The following AMMECR1L variants were observed in gnomAD, a reference collection of about 807,000 sequenced individuals.
The protein encoded by AMMECR1L is AMMECR1 like, also known as AMMECR1-like protein.
In AMMECR1L, 4 loss-of-function variants were observed where a neutral mutation model predicts 36.8. The observed-to-expected ratio is 0.11, with a 90% CI of 0.05 to 0.25. The LOEUF (loss-of-function observed/expected upper bound fraction) is 0.25, where lower values mean the gene tolerates loss of function less well. Ranked by LOEUF, AMMECR1L falls within the 10% of genes least tolerant of loss-of-function variation. The pLI is 1.00. For synonymous variants in AMMECR1L, 147 were observed against 148.0 expected, an observed-to-expected ratio of 0.99 and a Z score of 0.05; for missense variants, 232 against 392.1, an observed-to-expected ratio of 0.59 and a Z score of 3.45.
rs1690635812 is a variant in AMMECR1L at position 127,865,306 on chromosome 2, GAATA to G, written c.822-105_822-102del. On this transcript the variant is annotated intron_variant, in intron 7 of 7. Coordinates refer to ENST00000272647, the MANE Select transcript of AMMECR1L (RefSeq NM_001199140.2). The surrounding 1 kb of genome is among the most constrained non-coding windows in gnomAD (Gnocchi z 5.4). The stretch of plus-strand genomic sequence containing the variant: ...CAAAAGCTTATTCCACATTTTGAAA[GAATA>G]AAATGGAAGACCAAGAGCAATCTTA... 1.4e-5 allele frequency: 9 copies of G among 639,792 alleles called. No homozygotes were observed. Among genetic ancestry groups the G allele is most frequent in the Admixed American group, 1.1e-4 (3 of 27,924 alleles). 39.6% of individuals were successfully genotyped at this position (639,792 alleles called of 1,614,324 possible).
At chr2:127,878,643 A>G (rs1691354820) in intron 2 of AMMECR1L, among the ~76,000 whole-genome samples, 1 of 152,320 alleles carries the variant, frequency 6.6e-6, no homozygotes, top group East Asian at 1.9e-4. Flanking sequence ...TTCTGCCTAC[A>G]TGCCACATAC....
chr2:127,883,479 C>A (rs1304599656), intron 2 of AMMECR1L, among the ~76,000 whole-genome samples: 3 of 152,146 alleles, frequency 2.0e-5, no homozygotes, highest in African/African-American at 7.2e-5. Context: ...CCTCTGTTTT[C>A]TATGTGACCT....
chr2:127,882,980 A>T (rs1488108314), intron 2 of AMMECR1L, among the ~76,000 whole-genome samples: 1 of 151,610 alleles, frequency 6.6e-6, no homozygotes, highest in South Asian at 2.1e-4. Flanking sequence ...ACAGGGCTCA[A>T]GCGATCCTCC....
intron 6 of AMMECR1L, among the ~76,000 whole-genome samples, chr2:127,868,633 T>G (rs1312251240): frequency 6.6e-6 from 1 of 152,148 alleles, no homozygotes. Context: ...ACAAGCAACA[T>G]GTAAAGGTAC....
At chr2:127,870,792 T>A in intron 5 of AMMECR1L, 22 bp downstream of exon 5, 2 of 1,579,744 alleles carry the variant, frequency 1.3e-6, no homozygotes, top group Non-Finnish European at 1.7e-6. Context: ...AGATGCAGAG[T>A]TCCAAATGCG....
Position 127,880,787 on chromosome 2 carries a change from C to G in AMMECR1L, c.-39+3416G>C, listed in dbSNP as rs970505093. On this transcript the variant is annotated intron_variant, in intron 2 of 7. Transcript: ENST00000272647. ...TACATACAGTATACACACACACACA[C>G]ACACACACACACTCCTGATTGTCAC... Among the ~76,000 whole-genome samples, 4 of 151,608 alleles carry G rather than the reference C, an allele frequency of 2.6e-5. No individual in the cohort carries two copies. In the East Asian group the frequency reaches 7.7e-4, roughly 29 times the overall value.
At position 127,865,120 on chromosome 2, in the gene AMMECR1L, G is replaced by A; in HGVS notation, c.907C>T (p.Pro303Ser). The change falls in exon 8 of 8, where the codon CCG becomes TCG. Residue 303 changes from proline to serine, a missense_variant. Pro to Ser is a moderately conservative substitution (Grantham distance 74, BLOSUM62 -1). Coordinates refer to ENST00000272647, the MANE Select transcript of AMMECR1L (RefSeq NM_001199140.2). This position sits in a 1 kb window ranked among gnomAD's most constrained non-coding sequence, Gnocchi z 5.4. ...CAGGAGTAATGATTGTAGAGGGGCGGGGCATGAAGAGTGCCGTTCTGGAAA... is the reference window on the plus strand; with the variant it reads ...CAGGAGTAATGATTGTAGAGGGGCGAGGCATGAAGAGTGCCGTTCTGGAAA... Reference protein sequence around the residue: ...HCFQNGTLHAPPLYNHYS With the variant: ...HCFQNGTLHASPLYNHYS The A allele has an allele frequency of 6.2e-7, 1 of 1,613,666 alleles. No individual in the cohort carries two copies. Among genetic ancestry groups the A allele is most frequent in the Non-Finnish European group, 8.5e-7 (1 of 1,179,816 alleles).
At chr2:127,881,644 C>A (rs146670084) in intron 2 of AMMECR1L, among the ~76,000 whole-genome samples, 188 of 152,344 alleles carry the variant, frequency 1.2e-3, no homozygotes, top group African/African-American at 4.2e-3. Context: ...CCTGGCAGTT[C>A]TGTGGCACAT....
At chr2:127,881,791 T>C (rs996622192) in intron 2 of AMMECR1L, among the ~76,000 whole-genome samples, 1 of 152,246 alleles carries the variant, frequency 6.6e-6, no homozygotes, top group African/African-American at 2.4e-5. Flanking sequence ...TACAATTCCA[T>C]TAAGAATGAC....
At chr2:127,881,466 T>G (rs903049023) in intron 2 of AMMECR1L, among the ~76,000 whole-genome samples, 2 of 151,994 alleles carry the variant, frequency 1.3e-5, no homozygotes, top group African/African-American at 4.8e-5. Context: ...GCAGCTCCCC[T>G]CTTCAGGGGA....
intron 4 of AMMECR1L, 50 bp from the exon 5 acceptor site, chr2:127,870,978 A>C (rs1690937273): frequency 7.1e-7 from 1 of 1,404,726 alleles, no homozygotes; most frequent in Admixed American, 2.0e-5. Flanking sequence ...GTCAGGAGCC[A>C]ATATCAGGTG....
rs1010184318 is a variant in AMMECR1L, at chr2:127,861,881, A to G, written c.*3213T>C. On this transcript the variant is annotated 3_prime_UTR_variant, in exon 8 of 8. Coordinates refer to ENST00000272647, the MANE Select transcript of AMMECR1L (RefSeq NM_001199140.2). ...ACAGTTAGTGAAATTGTAGATGTCA[A>G]CACATCATGGAAAACAGATCTTGTG... 2.0e-5 allele frequency: 3 copies of G among 152,648 alleles called. No homozygotes were observed. Among genetic ancestry groups the G allele is most frequent in the African/African-American group, 7.2e-5 (3 of 41,472 alleles). 9.5% of individuals were successfully genotyped at this position (152,648 alleles called of 1,614,324 possible). A position where few individuals can be genotyped will look rare whatever the true frequency, so the allele number is the denominator to read the frequency against.
rs1390635796 is a variant in AMMECR1L at position 127,869,154 on chromosome 2, T to C, written c.724+300A>G. On this transcript the variant is annotated intron_variant, in intron 6 of 7. Coordinates refer to ENST00000272647, the MANE Select transcript of AMMECR1L (RefSeq NM_001199140.2). This position sits in a 1 kb window ranked among gnomAD's most constrained non-coding sequence, Gnocchi z 4.7. ...ACAATATGGTCAGGTTGATTGGTGG[T>C]ATTTTGCTACAATTGCCACTGTAGT... Among the ~76,000 whole-genome samples the C allele has an allele frequency of 6.6e-6, 1 of 152,226 alleles. No homozygotes were observed. The highest frequency in any genetic ancestry group is 6.5e-5 in the Admixed American group (1 of 15,278).
chr2:127,885,268 G>A (rs1035110949), intron 1 of AMMECR1L: 3 of 984,004 alleles, frequency 3.0e-6, no homozygotes, highest in Middle Eastern at 5.2e-4. Context: ...GGGAAAAGCG[G>A]GCCGAGGGAC....
intron 6 of AMMECR1L, among the ~76,000 whole-genome samples, chr2:127,868,627 G>A (rs1350833775): frequency 6.6e-6 from 1 of 152,054 alleles, no homozygotes; most frequent in Non-Finnish European, 1.5e-5. Flanking sequence ...GAATGCACAA[G>A]CAACATGTAA....
At chr2:127,867,708 C>T (rs903317870) in intron 6 of AMMECR1L, among the ~76,000 whole-genome samples, 8 of 152,046 alleles carry the variant, frequency 5.3e-5, no homozygotes, top group African/African-American at 1.4e-4. Context: ...ATCACACCAC[C>T]GCACTCCAGC....
At position 127,865,038 on chromosome 2, in the gene AMMECR1L, T is replaced by G; in HGVS notation, c.*56A>C. On this transcript the variant is annotated 3_prime_UTR_variant, in exon 8 of 8. Transcript: ENST00000272647. The surrounding 1 kb of genome is among the most constrained non-coding windows in gnomAD (Gnocchi z 5.4). ...CAGGAAGAGGAGGCATCTGCTCCAA[T>G]GATGTCATAGCCATTGGTGGCCACG... is the stretch of plus-strand genomic sequence containing the variant. 1 of 1,210,416 alleles carries G rather than the reference T, an allele frequency of 8.3e-7. No homozygotes were observed. 75.0% of individuals were successfully genotyped at this position (1,210,416 alleles called of 1,614,324 possible). A position where few individuals can be genotyped will look rare whatever the true frequency, so the allele number is the denominator to read the frequency against.
rs1462340505 is a variant in AMMECR1L at position 127,873,122 on chromosome 2, A to T, written c.407+706T>A. On this transcript the variant is annotated intron_variant, in intron 3 of 7. Transcript: ENST00000272647. The surrounding 1 kb of genome is among the most constrained non-coding windows in gnomAD (Gnocchi z 5.2). ...ATATCAATGAACACTCCAAAAGCAT[A>T]CCCCCAAAACAAAAATAAAAAAACA... 1 of 985,114 alleles carries T rather than the reference A, an allele frequency of 1.0e-6. No individual in the cohort carries two copies. The highest frequency in any genetic ancestry group is 1.2e-6 in the Non-Finnish European group (1 of 829,914). The allele number at this position is 985,114 out of a possible 1,614,324, so 61.0% of individuals were successfully genotyped here.
chr2:127,867,972 A>T (rs1187166099), intron 6 of AMMECR1L, among the ~76,000 whole-genome samples: 1 of 152,120 alleles, frequency 6.6e-6, no homozygotes, highest in African/African-American at 2.4e-5. Context: ...TCCCAGGCTC[A>T]TGTGATCCTC....
Sources: gnomAD v4.1 joint callset for allele counts (sites outside exome capture counted in the v4.1 genomes callset) on GRCh38, gnomAD v4.1.1 for gene constraint, Gnocchi (gnomAD v3.1) non-coding constraint, MANE v1.5 for transcripts, NCBI Gene and HGNC (gene_info 2026-07-23, HGNC 2026-07-21) for gene names.